SORCS1: variants seen among roughly 807,000 people sequenced by gnomAD.
SORCS1 encodes VPS10 domain-containing receptor SorCS1.
Under a neutral mutation model 146.1 loss-of-function variants are expected in SORCS1, and 60 were observed. The ratio of observed to expected loss-of-function variants is 0.41; its 90% CI spans 0.33 to 0.51. The LOEUF (loss-of-function observed/expected upper bound fraction) is 0.51, where lower values mean the gene tolerates loss of function less well. Among genes scored for constraint, SORCS1 ranks in the 20% least tolerant of loss-of-function variants. The probability of loss-of-function intolerance (pLI) is 0.21; values close to 1 mark genes in which losing one functional copy is unlikely to be tolerated. For synonymous variants in SORCS1, 637 were observed against 584.0 expected, an observed-to-expected ratio of 1.09 and a Z score of -1.31; for missense variants, 1,352 against 1,487.6, an observed-to-expected ratio of 0.91 and a Z score of 1.50.
At chr10:106,873,515 A>C (rs77046787) in intron 2 of SORCS1, among the ~76,000 whole-genome samples, 3,526 of 152,220 alleles carry the variant, frequency 0.023, 66 homozygotes, top group Middle Eastern at 0.034. Context: ...GTGGCATATA[A>C]TGTTAGAGAA....
chr10:107,163,150 C>T (rs925613953), intron 1 of SORCS1, among the ~76,000 whole-genome samples: 1 of 152,230 alleles, frequency 6.6e-6, no homozygotes. Flanking sequence ...GGAATCCAGC[C>T]TCCTGGAATT....
intron 5 of SORCS1, among the ~76,000 whole-genome samples, chr10:106,733,069 C>T (rs1251188119): frequency 1.4e-5 from 2 of 142,204 alleles, no homozygotes; most frequent in Non-Finnish European, 3.0e-5. Flanking sequence ...GATCACACTG[C>T]TGTACTCTAG....
At chr10:106,641,284 C>T (rs1849055292) in intron 18 of SORCS1, among the ~76,000 whole-genome samples, 1 of 152,080 alleles carries the variant, frequency 6.6e-6, no homozygotes, top group Non-Finnish European at 1.5e-5. Flanking sequence ...ACCCCATATG[C>T]TATTTGCAGG....
At chr10:106,820,333 T>A (rs1246255169) in intron 3 of SORCS1, among the ~76,000 whole-genome samples, 1 of 152,196 alleles carries the variant, frequency 6.6e-6, no homozygotes, top group Non-Finnish European at 1.5e-5. Flanking sequence ...CAAGCTATAG[T>A]TTTTGTTCTG....
At chr10:107,009,202 G>A (rs1015481107) in intron 1 of SORCS1, among the ~76,000 whole-genome samples, 2 of 152,150 alleles carry the variant, frequency 1.3e-5, no homozygotes, top group African/African-American at 2.4e-5. Flanking sequence ...GCATATAGAC[G>A]TTGAAAAAGC....
At chr10:106,746,892 G>T (rs1238972996) in intron 5 of SORCS1, among the ~76,000 whole-genome samples, 6 of 152,166 alleles carry the variant, frequency 3.9e-5, no homozygotes, top group African/African-American at 1.4e-4. Flanking sequence ...TACTCAGGAA[G>T]GCCAACTGAT....
chr10:107,055,718 G>A (rs530584183), intron 1 of SORCS1, among the ~76,000 whole-genome samples: 19 of 152,256 alleles, frequency 1.2e-4, no homozygotes, highest in African/African-American at 4.3e-4. Context: ...AAATAATACG[G>A]CTGAACATTT....
At chr10:106,850,575 C>A (rs1039019924) in intron 2 of SORCS1, among the ~76,000 whole-genome samples, 4 of 152,118 alleles carry the variant, frequency 2.6e-5, no homozygotes, top group African/African-American at 9.7e-5. Context: ...AGCTGTAGAC[C>A]GGAGCTGTTC....
At chr10:106,686,917 G>A (rs1164545843) in intron 10 of SORCS1, among the ~76,000 whole-genome samples, 3 of 152,138 alleles carry the variant, frequency 2.0e-5, no homozygotes, top group Non-Finnish European at 2.9e-5. Flanking sequence ...AGTCAGAACC[G>A]CATGAAGAGT....
At chr10:107,093,657 C>T (rs747656381) in intron 1 of SORCS1, among the ~76,000 whole-genome samples, 2 of 144,486 alleles carry the variant, frequency 1.4e-5, no homozygotes, top group South Asian at 2.2e-4. Flanking sequence ...TCCAGCCTGG[C>T]GACAGAGTGA....
intron 1 of SORCS1, among the ~76,000 whole-genome samples, chr10:107,043,641 G>T (rs1025984928): frequency 3.9e-5 from 6 of 152,042 alleles, no homozygotes; most frequent in African/African-American, 1.4e-4. Context: ...GCTGTTCAAG[G>T]TCATCATGGC....
At chr10:106,996,555 C>G (rs1957014931) in intron 1 of SORCS1, among the ~76,000 whole-genome samples, 1 of 152,176 alleles carries the variant, frequency 6.6e-6, no homozygotes, top group Non-Finnish European at 1.5e-5. Flanking sequence ...TATAACCACA[C>G]ATGAAAGTCA....
intron 2 of SORCS1, among the ~76,000 whole-genome samples, chr10:106,865,147 T>C (rs1370231487): frequency 6.6e-6 from 1 of 151,756 alleles, no homozygotes; most frequent in Non-Finnish European, 1.5e-5. Context: ...TGACAGCTGC[T>C]ATACAAAAAC....
chr10:106,825,829 T>TG (rs1409947967), intron 3 of SORCS1, among the ~76,000 whole-genome samples: 3 of 152,268 alleles, frequency 2.0e-5, no homozygotes, highest in Non-Finnish European at 4.4e-5. Context: ...CCTTTTCTTC[T>TG]GGGCTAACCT....
At chr10:107,051,053 C>T (rs192919903) in intron 1 of SORCS1, among the ~76,000 whole-genome samples, 31 of 152,032 alleles carry the variant, frequency 2.0e-4, no homozygotes, top group Admixed American at 1.1e-3. Flanking sequence ...CCACAAATAA[C>T]AATTGAACAC....
At chr10:107,028,429 G>T (rs1485379140) in intron 1 of SORCS1, among the ~76,000 whole-genome samples, 2 of 152,140 alleles carry the variant, frequency 1.3e-5, no homozygotes, top group Non-Finnish European at 2.9e-5. Context: ...AAGAGCCTCT[G>T]TTTTCTTATC....
chr10:107,054,024 T>C (rs955611662), intron 1 of SORCS1, among the ~76,000 whole-genome samples: 9 of 152,170 alleles, frequency 5.9e-5, no homozygotes, highest in Non-Finnish European at 8.8e-5. Flanking sequence ...CAGATTCAGA[T>C]TGAATTGATC....
intron 9 of SORCS1, among the ~76,000 whole-genome samples, chr10:106,690,296 A>G (rs1564861649): frequency 6.6e-6 from 1 of 152,244 alleles, no homozygotes; most frequent in Non-Finnish European, 1.5e-5. Context: ...GAATTTCACA[A>G]AGTCATACTG....
chr10:107,012,099 T>C (rs1279115255), intron 1 of SORCS1, among the ~76,000 whole-genome samples: 2 of 152,206 alleles, frequency 1.3e-5, no homozygotes, highest in Non-Finnish European at 2.9e-5. Context: ...TGCAGCAGAT[T>C]TTTTTTCGTG....
Sources: allele counts gnomAD v4.1 joint callset (sites outside exome capture counted in the v4.1 genomes callset), GRCh38; gene constraint gnomAD v4.1.1; transcripts MANE v1.5; gene names NCBI Gene and HGNC (gene_info 2026-07-23, HGNC 2026-07-21).